BMP2: variants seen among roughly 807,000 people sequenced by gnomAD.
BMP2 encodes bone morphogenetic protein 2, also known as bone morphogenetic protein 2A.
Under a neutral mutation model 28.8 loss-of-function variants are expected in BMP2, and 2 were observed. The observed-to-expected ratio is 0.07, with a 90% CI of 0.03 to 0.22. The LOEUF (loss-of-function observed/expected upper bound fraction) is 0.22. BMP2 is among the 10% of genes least tolerant of loss of function. BMP2 has a pLI of 1.00. For synonymous variants in BMP2, 218 were observed against 204.3 expected (o/e 1.07, Z -0.57); for missense variants, 437 against 517.7 (o/e 0.84, Z 1.51).
At position 6,768,329 on chromosome 20, in the gene BMP2, G is replaced by A. The variant is rs1986300309; in HGVS notation, c.-554G>A. ...CGAGATCGCCGCCGTGCCCTTCCCT[G>A]GACCCGGCGTCGCCCAGGATGGCTG... is the stretch of plus-strand genomic sequence containing the variant. On this transcript the variant is annotated 5_prime_UTR_variant, in exon 1 of 3. Coordinates refer to ENST00000378827, the MANE Select transcript of BMP2 (RefSeq NM_001200.4). 2.5e-6 allele frequency: 1 copy of A among 397,724 alleles called. No individual in the cohort carries two copies. Among genetic ancestry groups the A allele is most frequent in the Non-Finnish European group, 4.4e-6 (1 of 225,648 alleles). The allele number at this position is 397,724 out of a possible 1,614,324, so 24.6% of individuals were successfully genotyped here. A position where few individuals can be genotyped will look rare whatever the true frequency, so the allele number is the denominator to read the frequency against.
chr20:6,768,501 C>T lies in BMP2; in HGVS notation c.-382C>T. The T allele has an allele frequency of 5.1e-6, 2 of 393,334 alleles. No homozygotes were observed. Among genetic ancestry groups the T allele is most frequent in the East Asian group, 3.6e-5 (1 of 27,660 alleles). 24.4% of individuals were successfully genotyped at this position (393,334 alleles called of 1,614,324 possible). A position where few individuals can be genotyped will look rare whatever the true frequency, so the allele number is the denominator to read the frequency against. On this transcript the variant is annotated 5_prime_UTR_variant, in exon 1 of 3. Transcript: ENST00000378827. ...AGCACCAGCTTCTCCTTTCTCCCTT[C>T]CCTTCCCTGCCCCGCACTCCTCCCC... is the stretch of plus-strand genomic sequence containing the variant.
rs898029217 is a variant in BMP2, at chr20:6,771,957, CT to C, written c.346+1495del. ...TTCCCAGGTAATGCTGATTAGAATA[CT>C]TTTTTTTTTGTATAGGAATGTAATA... On this transcript the variant is annotated intron_variant, in intron 2 of 2. Transcript: ENST00000378827. Among the ~76,000 whole-genome samples the C allele has an allele frequency of 9.3e-4, 139 of 149,518 alleles. 2 individuals carry two copies. The Middle Eastern group carries it at 0.01, about 11-fold the overall frequency.
chr20:6,770,512 T>A, intron 2 of BMP2, 40 bp downstream of exon 2: 1 of 1,534,422 alleles, frequency 6.5e-7, no homozygotes, highest in East Asian at 2.3e-5. Flanking sequence ...GGAGTCACCC[T>A]GCAAAGCCCT....
intron 2 of BMP2, among the ~76,000 whole-genome samples, chr20:6,772,026 A>G (rs1986410674): frequency 6.6e-6 from 1 of 152,142 alleles, no homozygotes; most frequent in Non-Finnish European, 1.5e-5. Flanking sequence ...TTTAGCATGG[A>G]AGCTCTCAAC....
At chr20:6,777,892 T>A (rs1244064357) in intron 2 of BMP2, among the ~76,000 whole-genome samples, 3 of 152,140 alleles carry the variant, frequency 2.0e-5, no homozygotes, top group Non-Finnish European at 4.4e-5. Context: ...TGACTTTTTT[T>A]TTTTTTTACC....
chr20:6,779,072 G>T lies in BMP2; in HGVS notation c.1174G>T (p.Gly392Cys), dbSNP rs779593991. 6.2e-7 allele frequency: 1 copy of T among 1,601,306 alleles called. No homozygotes were observed. Among genetic ancestry groups the T allele is most frequent in the Admixed American group, 1.7e-5 (1 of 59,172 alleles). Reference protein sequence around the residue: ...LKNYQDMVVEGCGCR With the variant: ...LKNYQDMVVECCGCR ...GAACTATCAGGACATGGTTGTGGAGGGTTGTGGGTGTCGCTAGTACAGCAA... is the reference window on the plus strand; with the variant it reads ...GAACTATCAGGACATGGTTGTGGAGTGTTGTGGGTGTCGCTAGTACAGCAA... The change falls in exon 3 of 3, where the codon GGT becomes TGT. Residue 392 changes from glycine to cysteine, a missense_variant. Physicochemically the swap from Gly to Cys is radical, Grantham distance 159 (BLOSUM62 -3). Transcript: ENST00000378827.
chr20:6,770,198 C>T lies in BMP2; in HGVS notation c.72C>T (p.Leu24=), dbSNP rs1351092872. Residue 24 remains leucine, a synonymous_variant, in exon 2 of 3, where the codon CTC becomes CTT. Transcript: ENST00000378827. ...PQVLLGGAAG[L]VPELGRRKFA... ...TCCTCCTGGGCGGCGCGGCTGGCCT[C>T]GTTCCGGAGCTGGGCCGCAGGAAGT... 12 of 1,588,040 alleles carry T rather than the reference C, an allele frequency of 7.6e-6. No individual in the cohort carries two copies. The highest frequency in any genetic ancestry group is 2.3e-5 in the East Asian group (1 of 43,010).
chr20:6,776,920 C>T (rs754920607), intron 2 of BMP2, among the ~76,000 whole-genome samples: 2 of 152,104 alleles, frequency 1.3e-5, no homozygotes, highest in African/African-American at 4.8e-5. Context: ...TTAATAAAAA[C>T]ATAGTCTCTT....
At position 6,780,139 on chromosome 20, in the gene BMP2, C is replaced by T. The variant is rs1986594759; in HGVS notation, c.*1050C>T. The stretch of plus-strand genomic sequence containing the variant: ...ATGCACATCGTGTTTTCTGCCCACC[C>T]TCTGTTCTCTGACCTATCAGCTTGC... On this transcript the variant is annotated 3_prime_UTR_variant, in exon 3 of 3. Transcript: ENST00000378827. 6.6e-6 allele frequency: 1 copy of T among 152,616 alleles called. No homozygotes were observed. Among genetic ancestry groups the T allele is most frequent in the Non-Finnish European group, 1.5e-5 (1 of 68,046 alleles). The allele number at this position is 152,616 out of a possible 1,614,324, so 9.5% of individuals were successfully genotyped here. A position where few individuals can be genotyped will look rare whatever the true frequency, so the allele number is the denominator to read the frequency against.
chr20:6,771,542 G>A (rs1255330692), intron 2 of BMP2, among the ~76,000 whole-genome samples: 1 of 152,090 alleles, frequency 6.6e-6, no homozygotes, highest in Non-Finnish European at 1.5e-5. Flanking sequence ...ATTTCAAGTG[G>A]GAAATTTACA....
chr20:6,770,350 T>C lies in BMP2; in HGVS notation c.224T>C (p.Val75Ala). 6.2e-7 allele frequency: 1 copy of C among 1,613,462 alleles called. No individual in the cohort carries two copies. Residue 75 changes from valine (V) to alanine (A), a missense_variant, in exon 2 of 3, where the codon GTG (valine) becomes GCG (alanine). Physicochemically the swap from Val to Ala is moderately conservative, Grantham distance 64 (BLOSUM62 0). Around this residue, in one of 2 missense-constraint regions of BMP2, gnomAD observed 363 missense variants for 392.8 expected, o/e 0.92. Coordinates refer to ENST00000378827, the MANE Select transcript of BMP2 (RefSeq NM_001200.4). Reference protein sequence around the residue: ...QRPTPSRDAVVPPYMLDLYRR... With the variant: ...QRPTPSRDAVAPPYMLDLYRR... ...CCCACCCCCAGCAGGGACGCCGTGGTGCCCCCCTACATGCTAGACCTGTAT... is the reference window on the plus strand; with the variant it reads ...CCCACCCCCAGCAGGGACGCCGTGGCGCCCCCCTACATGCTAGACCTGTAT...
chr20:6,774,701 T>C (rs574157852), intron 2 of BMP2, among the ~76,000 whole-genome samples: 14 of 152,348 alleles, frequency 9.2e-5, no homozygotes, highest in African/African-American at 3.1e-4. Flanking sequence ...TTTTCTCTAA[T>C]TGGTTTGTTG....
In BMP2 at chr20:6,778,331, A is replaced by G. The variant is rs1986542045; in HGVS notation, c.433A>G (p.Ile145Val). 1.2e-6 allele frequency: 2 copies of G among 1,614,246 alleles called. No homozygotes were observed. Among genetic ancestry groups the G allele is most frequent in the Non-Finnish European group, 1.7e-6 (2 of 1,180,040 alleles). The change falls in exon 3 of 3, where the codon ATC (isoleucine) becomes GTC (valine). Residue 145 changes from isoleucine (I) to valine (V), a missense_variant. Ile to Val is a conservative substitution (Grantham distance 29). Coordinates refer to ENST00000378827, the MANE Select transcript of BMP2 (RefSeq NM_001200.4). The surrounding 1 kb of genome is among the most constrained non-coding windows in gnomAD (Gnocchi z 5.0). ...NLSSIPTEEF[I>V]TSAELQVFRE... is the part of the protein sequence containing the mutation. The stretch of plus-strand genomic sequence containing the variant: ...AAGTTCTATCCCCACGGAGGAGTTT[A>G]TCACCTCAGCAGAGCTTCAGGTTTT...
intron 2 of BMP2, among the ~76,000 whole-genome samples, chr20:6,773,715 T>G (rs1600171533): frequency 6.6e-6 from 1 of 152,344 alleles, no homozygotes; most frequent in Non-Finnish European, 1.5e-5. Context: ...TGGAATGTTT[T>G]TAACCTTTTG....
At chr20:6,774,652 C>T (rs1470407661) in intron 2 of BMP2, among the ~76,000 whole-genome samples, 25 of 152,312 alleles carry the variant, frequency 1.6e-4, no homozygotes, top group Admixed American at 1.4e-3. Flanking sequence ...CCTCTCTGAA[C>T]TGCAACTGTT....
At chr20:6,777,154 A>G (rs1344567591) in intron 2 of BMP2, among the ~76,000 whole-genome samples, 1 of 152,174 alleles carries the variant, frequency 6.6e-6, no homozygotes, top group Non-Finnish European at 1.5e-5. Context: ...GTGCTGTGTT[A>G]TATATTACTT....
Position 6,779,643 on chromosome 20 carries a change from C to G in BMP2, c.*554C>G, listed in dbSNP as rs1347232208. 2 of 152,642 alleles carry G rather than the reference C, an allele frequency of 1.3e-5. No individual in the cohort carries two copies. The highest frequency in any genetic ancestry group is 4.8e-5 in the African/African-American group (2 of 41,446). The allele number at this position is 152,642 out of a possible 1,614,324, so 9.5% of individuals were successfully genotyped here. A position where few individuals can be genotyped will look rare whatever the true frequency, so the allele number is the denominator to read the frequency against. On this transcript the variant is annotated 3_prime_UTR_variant, in exon 3 of 3. Coordinates refer to ENST00000378827, the MANE Select transcript of BMP2 (RefSeq NM_001200.4). ...AGAAAAAAAAAGTGGATAATCCACT[C>G]TGCTGACTTTCAAGATTATTATATT...
At chr20:6,777,116 G>A (rs1321026883) in intron 2 of BMP2, among the ~76,000 whole-genome samples, 4 of 152,104 alleles carry the variant, frequency 2.6e-5, no homozygotes, top group Non-Finnish European at 5.9e-5. Context: ...TTGTACCTTT[G>A]ATGATTTGCA....
chr20:6,778,443 C>G lies in BMP2; in HGVS notation c.545C>G (p.Ala182Gly). The G allele has an allele frequency of 6.2e-7, 1 of 1,614,164 alleles. No individual in the cohort carries two copies. The highest frequency in any genetic ancestry group is 8.5e-7 in the Non-Finnish European group (1 of 1,180,020). ...NIYEIIKPAT[A>G]NSKFPVTRLL... ...TATGAAATCATAAAACCTGCAACAG[C>G]CAACTCGAAATTCCCCGTGACCAGA... is the stretch of plus-strand genomic sequence containing the variant. Residue 182 changes from alanine (A) to glycine (G), a missense_variant, in exon 3 of 3, where the codon GCC becomes GGC. Ala to Gly is a moderately conservative substitution (Grantham distance 60). This residue lies in a region of BMP2 where 363 missense variants were observed against 392.8 expected (regional missense o/e 0.92). Transcript: ENST00000378827. This position sits in a 1 kb window ranked among gnomAD's most constrained non-coding sequence, Gnocchi z 5.0.
Sources: allele counts gnomAD v4.1 joint callset (sites outside exome capture counted in the v4.1 genomes callset), GRCh38; gene constraint gnomAD v4.1.1; regional missense constraint gnomAD v4.1.1; non-coding constraint Gnocchi (gnomAD v3.1); transcripts MANE v1.5; gene names NCBI Gene and HGNC (gene_info 2026-07-23, HGNC 2026-07-21).